Variants in CNNM4 observed in about 807,000 individuals in gnomAD.
The protein encoded by CNNM4 is metal transporter CNNM4.
CNNM4 carries 32 observed loss-of-function variants against 53.7 expected under a neutral mutation model. That is an observed-to-expected ratio of 0.60 (90% CI 0.45 to 0.80). CNNM4 has a LOEUF of 0.80. Ranked by LOEUF, CNNM4 falls within the 30% of genes least tolerant of loss-of-function variation. The pLI, the probability that CNNM4 is intolerant of heterozygous loss-of-function variation, is 0.00. For synonymous variants in CNNM4, 410 were observed against 440.0 expected (o/e 0.93, Z 0.85); for missense variants, 784 against 1,022.0 (o/e 0.77, Z 3.17).
chr2:96,799,869 A>G (rs2079143308), intron 5 of CNNM4, among the ~76,000 whole-genome samples: 1 of 152,086 alleles, frequency 6.6e-6, no homozygotes, highest in South Asian at 2.1e-4. Context: ...AGGGGAAAAG[A>G]GGAGTGAGGG....
intron 3 of CNNM4, chr2:96,798,238 A>T (rs1356509287): frequency 5.9e-6 from 1 of 170,470 alleles, no homozygotes; most frequent in Admixed American, 5.6e-5. Flanking sequence ...TCTCAAAAAT[A>T]ACAAAAAAGA....
At chr2:96,784,225 C>T (rs764027835) in intron 1 of CNNM4, among the ~76,000 whole-genome samples, 1 of 152,140 alleles carries the variant, frequency 6.6e-6, no homozygotes, top group Non-Finnish European at 1.5e-5. Flanking sequence ...TAGGATCGTG[C>T]CACTGCACTC....
chr2:96,796,285 C>T (rs2079103192), intron 1 of CNNM4, among the ~76,000 whole-genome samples: 1 of 151,774 alleles, frequency 6.6e-6, no homozygotes, highest in Admixed American at 6.6e-5. Context: ...GCTGGGACTA[C>T]AGGTGTGTAC....
chr2:96,773,953 C>A (rs1383620958), intron 1 of CNNM4, among the ~76,000 whole-genome samples: 1 of 151,822 alleles, frequency 6.6e-6, no homozygotes, highest in Non-Finnish European at 1.5e-5. Flanking sequence ...ATTCAGATGC[C>A]ATCTTATCTG....
intron 1 of CNNM4, among the ~76,000 whole-genome samples, chr2:96,785,663 G>A (rs550469123): frequency 6.6e-6 from 1 of 151,672 alleles, no homozygotes. Context: ...AATTAGCTGG[G>A]CGTGGTAGCA....
At position 96,790,440 on chromosome 2, in the gene CNNM4, C is replaced by T. The variant is rs549835564; in HGVS notation, c.1403-6572C>T. On this transcript the variant is annotated intron_variant, in intron 1 of 6. Transcript: ENST00000377075. The stretch of plus-strand genomic sequence containing the variant: ...CACGATCTCGGCGCACTGCAACCTC[C>T]ACCTCCCAGATTCAAGCGATTCTCC... Among the ~76,000 whole-genome samples the T allele has an allele frequency of 1.1e-3, 173 of 151,952 alleles. 2 individuals are homozygous for T. The highest frequency in any genetic ancestry group is 1.8e-3 in the Non-Finnish European group (123 of 67,964).
rs562289410 is a variant in CNNM4, at chr2:96,809,719, TA to T, written c.*203del. The stretch of plus-strand genomic sequence containing the variant: ...TGAGGTGGCACTGTCCAGCCCTGGA[TA>T]GGGGGGGCAGTGGGCCAGCTACCGT... On this transcript the variant is annotated 3_prime_UTR_variant, in exon 7 of 7. Coordinates refer to ENST00000377075, the MANE Select transcript of CNNM4 (RefSeq NM_020184.4). 1.6e-3 allele frequency: 869 copies of T among 529,512 alleles called. 3 individuals carry two copies. The highest frequency in any genetic ancestry group is 6.1e-3 in the Middle Eastern group (12 of 1,974). 32.8% of individuals were successfully genotyped at this position (529,512 alleles called of 1,614,324 possible).
chr2:96,769,760 TG>T (rs11349064), intron 1 of CNNM4, among the ~76,000 whole-genome samples: 3,956 of 152,060 alleles, frequency 0.026, 175 homozygotes, highest in African/African-American at 0.092. Context: ...GGCTGTGGGG[TG>T]CCCAGCGAGA....
chr2:96,769,919 C>T (rs979275412), intron 1 of CNNM4, among the ~76,000 whole-genome samples: 6 of 152,334 alleles, frequency 3.9e-5, no homozygotes, highest in South Asian at 2.1e-4. Flanking sequence ...GTTAATACTC[C>T]GGGTGCAGGC....
At chr2:96,769,908 G>A (rs949973427) in intron 1 of CNNM4, among the ~76,000 whole-genome samples, 4 of 152,242 alleles carry the variant, frequency 2.6e-5, no homozygotes, top group Non-Finnish European at 5.9e-5. Flanking sequence ...GACAGGAGCT[G>A]GTTAATACTC....
intron 1 of CNNM4, among the ~76,000 whole-genome samples, chr2:96,769,837 A>G (rs2078853370): frequency 6.6e-6 from 1 of 152,198 alleles, no homozygotes; most frequent in Non-Finnish European, 1.5e-5. Context: ...CTGCCTGGTA[A>G]TAGCCTCAAT....
chr2:96,776,668 C>G (rs937480418), intron 1 of CNNM4, among the ~76,000 whole-genome samples: 1 of 152,154 alleles, frequency 6.6e-6, no homozygotes, highest in Non-Finnish European at 1.5e-5. Flanking sequence ...GCCTGGAGTG[C>G]GGTGATGCAT....
At chr2:96,796,491 G>A (rs114963520) in intron 1 of CNNM4, among the ~76,000 whole-genome samples, 8,868 of 152,160 alleles carry the variant, frequency 0.058, 879 homozygotes, top group African/African-American at 0.2. Flanking sequence ...GCCTGGCGTG[G>A]TGGCTCATTC....
chr2:96,766,957 A>G (rs1029216865), intron 1 of CNNM4, among the ~76,000 whole-genome samples: 2 of 152,148 alleles, frequency 1.3e-5, no homozygotes, highest in Admixed American at 6.5e-5. Flanking sequence ...CATGTCAGGG[A>G]CTGAGAAGTA....
rs138801373 is a variant in CNNM4, at chr2:96,800,479, G to A, written c.1948+831G>A. On this transcript the variant is annotated intron_variant, in intron 5 of 6. Transcript: ENST00000377075. This position sits in a 1 kb window ranked among gnomAD's most constrained non-coding sequence, Gnocchi z 4.6. ...ACTGTCCTTTGACAAAAAGGACCCC[G>A]AGGGGGAACGGGGGTAGGGCACCCA... Among the ~76,000 whole-genome samples the A allele has an allele frequency of 2.5e-4, 38 of 152,320 alleles. No individual in the cohort carries two copies. The highest frequency in any genetic ancestry group is 3.4e-3 in the Middle Eastern group (1 of 294).
intron 1 of CNNM4, among the ~76,000 whole-genome samples, chr2:96,776,722 C>T (rs909844930): frequency 2.0e-5 from 3 of 152,168 alleles, no homozygotes; most frequent in Non-Finnish European, 2.9e-5. Flanking sequence ...AAGCAATTCT[C>T]CTGCCTTAGC....
Position 96,800,287 on chromosome 2 carries a change from G to A in CNNM4, c.1948+639G>A, listed in dbSNP as rs529832319. Among the ~76,000 whole-genome samples, 51 of 152,218 alleles carry A rather than the reference G, an allele frequency of 3.4e-4. 1 individual carries two copies. In the South Asian group the frequency reaches 8.7e-3, roughly 26 times the overall value. On this transcript the variant is annotated intron_variant, in intron 5 of 6. Transcript: ENST00000377075. This position sits in a 1 kb window ranked among gnomAD's most constrained non-coding sequence, Gnocchi z 4.6. ...CGCAGAGCCCCACAGACAAGGCCCC[G>A]CAGGCCCAGGTCTCGCCAGCTCATC...
chr2:96,764,813 C>T (rs1229139868), intron 1 of CNNM4, among the ~76,000 whole-genome samples: 1 of 151,966 alleles, frequency 6.6e-6, no homozygotes, highest in Admixed American at 6.6e-5. Flanking sequence ...TGGTGAAACC[C>T]CGTCTCTACT....
chr2:96,806,542 C>T (rs1320195492), intron 5 of CNNM4, among the ~76,000 whole-genome samples: 9 of 144,524 alleles, frequency 6.2e-5, no homozygotes, highest in East Asian at 3.9e-4. Flanking sequence ...CACACGCGCG[C>T]GCGCGCGCGC....
Sources: gnomAD v4.1 joint callset for allele counts (sites outside exome capture counted in the v4.1 genomes callset) on GRCh38, gnomAD v4.1.1 for gene constraint, Gnocchi (gnomAD v3.1) non-coding constraint, MANE v1.5 for transcripts, NCBI Gene and HGNC (gene_info 2026-07-23, HGNC 2026-07-21) for gene names.